Variants in GLG1 observed in about 807,000 individuals in gnomAD.
GLG1 encodes the protein golgi glycoprotein 1.
Under a neutral mutation model 160.5 loss-of-function variants are expected in GLG1, and 38 were observed. The ratio of observed to expected loss-of-function variants is 0.24; its 90% CI spans 0.18 to 0.31. The LOEUF (loss-of-function observed/expected upper bound fraction) is 0.31, where lower values mean the gene tolerates loss of function less well. Ranked by LOEUF, GLG1 falls within the 10% of genes least tolerant of loss-of-function variation. GLG1 has a pLI of 1.00. For synonymous variants in GLG1, 644 were observed against 543.4 expected (o/e 1.19, Z -2.57); for missense variants, 1,373 against 1,505.2 (o/e 0.91, Z 1.45).
At chr16:74,538,930 A>G (rs1418764749) in intron 1 of GLG1, among the ~76,000 whole-genome samples, 2 of 151,708 alleles carry the variant, frequency 1.3e-5, no homozygotes, top group Admixed American at 1.3e-4. Flanking sequence ...CATGGAGGGT[A>G]CATTTGAATT....
chr16:74,602,834 G>C (rs191422846), intron 1 of GLG1, among the ~76,000 whole-genome samples: 1 of 151,188 alleles, frequency 6.6e-6, no homozygotes, highest in East Asian at 2.0e-4. Context: ...GTATACCCAG[G>C]GACTCATTAC....
intron 16 of GLG1, 43 bp downstream of exon 16, chr16:74,469,942 G>C (rs766863821): frequency 1.1e-5 from 13 of 1,227,606 alleles, no homozygotes; most frequent in Non-Finnish European, 1.6e-5. Context: ...GGAGCTAAGA[G>C]GAACTTCGGG....
chr16:74,504,310 C>T (rs2016519643), intron 3 of GLG1, among the ~76,000 whole-genome samples: 1 of 152,044 alleles, frequency 6.6e-6, no homozygotes, highest in South Asian at 2.1e-4. Flanking sequence ...TCTTTTGAGG[C>T]AGAGCCTTGC....
chr16:74,474,433 T>C (rs1171595547), intron 13 of GLG1, 113 bp downstream of exon 13: 4 of 697,928 alleles, frequency 5.7e-6, no homozygotes, highest in African/African-American at 3.5e-5. Flanking sequence ...CAGGTTTCTT[T>C]TGATTGACAG....
At chr16:74,526,068 T>C (rs1186188276) in intron 2 of GLG1, among the ~76,000 whole-genome samples, 1 of 152,214 alleles carries the variant, frequency 6.6e-6, no homozygotes, top group East Asian at 1.9e-4. Flanking sequence ...GCTGGCCAGA[T>C]ACCCAAACAA....
At chr16:74,462,264 G>C in intron 21 of GLG1, 69 bp from the exon 22 acceptor site, 1 of 702,480 alleles carries the variant, frequency 1.4e-6, no homozygotes, top group Non-Finnish European at 2.3e-6. Context: ...AGCAGGACAT[G>C]AAAAAAAAAA....
intron 1 of GLG1, among the ~76,000 whole-genome samples, chr16:74,599,388 C>A (rs1212900852): frequency 6.6e-6 from 1 of 152,142 alleles, no homozygotes; most frequent in Non-Finnish European, 1.5e-5. Context: ...CCACAGATCA[C>A]AAAATCACAA....
intron 1 of GLG1, among the ~76,000 whole-genome samples, chr16:74,606,222 A>G (rs1958561738): frequency 6.6e-6 from 1 of 152,224 alleles, no homozygotes; most frequent in African/African-American, 2.4e-5. Flanking sequence ...ACTGCTAATA[A>G]ACAGATCATT....
At chr16:74,531,937 C>A (rs575335709) in intron 2 of GLG1, among the ~76,000 whole-genome samples, 184 bp downstream of exon 2, 1 of 152,062 alleles carries the variant, frequency 6.6e-6, no homozygotes, top group African/African-American at 2.4e-5. Flanking sequence ...TTTGGGAGAA[C>A]CTGCAGGCTT....
At chr16:74,455,070 CTT>C (rs1011520618) in intron 25 of GLG1, among the ~76,000 whole-genome samples, 1 of 152,130 alleles carries the variant, frequency 6.6e-6, no homozygotes, top group African/African-American at 2.4e-5. Flanking sequence ...GCAAACAAGA[CTT>C]ATATTGACAG....
chr16:74,489,551 T>C (rs923353498), intron 8 of GLG1, among the ~76,000 whole-genome samples: 2 of 152,058 alleles, frequency 1.3e-5, no homozygotes, highest in Non-Finnish European at 2.9e-5. Flanking sequence ...AGTGCAAATA[T>C]AGGCTGTCTC....
chr16:74,511,894 T>C (rs1042719409), intron 2 of GLG1, among the ~76,000 whole-genome samples: 3 of 152,142 alleles, frequency 2.0e-5, no homozygotes, highest in African/African-American at 7.2e-5. Flanking sequence ...CATGACAGTA[T>C]TGTCAAATGC....
intron 1 of GLG1, among the ~76,000 whole-genome samples, chr16:74,593,336 G>A (rs1250185097): frequency 6.6e-6 from 1 of 151,574 alleles, no homozygotes; most frequent in East Asian, 1.9e-4. Context: ...TTACAGAGCT[G>A]ATATGGCCAG....
At chr16:74,534,963 G>C (rs578024129) in intron 1 of GLG1, among the ~76,000 whole-genome samples, 1 of 152,222 alleles carries the variant, frequency 6.6e-6, no homozygotes, top group East Asian at 1.9e-4. Flanking sequence ...TACAATATGA[G>C]CAGAGGATTT....
At chr16:74,494,945 GGACA>G in intron 5 of GLG1, 114 bp from the exon 6 acceptor site, 1 of 518,984 alleles carries the variant, frequency 1.9e-6, no homozygotes, top group South Asian at 2.9e-5. Flanking sequence ...ACATACCTTT[GGACA>G]AACAGCGCTT....
At chr16:74,568,654 G>C (rs1048604159) in intron 1 of GLG1, among the ~76,000 whole-genome samples, 3 of 152,088 alleles carry the variant, frequency 2.0e-5, no homozygotes, top group African/African-American at 7.2e-5. Context: ...CTGATATCAG[G>C]TGATCCGCCC....
At chr16:74,599,756 C>A (rs949089556) in intron 1 of GLG1, among the ~76,000 whole-genome samples, 2 of 151,710 alleles carry the variant, frequency 1.3e-5, no homozygotes, top group Non-Finnish European at 2.9e-5. Context: ...CCCAGCTACT[C>A]GGGAGGCTGA....
rs1222712893 is a variant in GLG1, at chr16:74,540,058, TTA to T, written c.439-7907_439-7906del. Among the ~76,000 whole-genome samples the T allele has an allele frequency of 5.7e-3, 16 of 2,816 alleles. 6 individuals are homozygous for T. The highest frequency in any genetic ancestry group is 0.017 in the South Asian group (1 of 58). The allele number at this position is 2,816 out of a possible 152,430, so 1.8% of individuals were successfully genotyped here. On this transcript the variant is annotated intron_variant, in intron 1 of 25. Coordinates refer to ENST00000422840, the MANE Select transcript of GLG1 (RefSeq NM_001145667.2). ...ATTTTATATATATATTATATATATTTTATATATATATATTATATATATTTTAT... is the reference window on the plus strand; with the variant it reads ...ATTTTATATATATATTATATATATTTTATATATATATTATATATATTTTAT...
intron 15 of GLG1, among the ~76,000 whole-genome samples, chr16:74,470,482 C>G (rs2015166141): frequency 7.9e-6 from 1 of 126,296 alleles, no homozygotes. Context: ...GAGCCTCTCT[C>G]TTGTCATCCA....
Sources: gnomAD v4.1 joint callset for allele counts (sites outside exome capture counted in the v4.1 genomes callset) on GRCh38, gnomAD v4.1.1 for gene constraint, MANE v1.5 for transcripts, NCBI Gene and HGNC (gene_info 2026-07-23, HGNC 2026-07-21) for gene names.